Variants in PXDNL observed in about 807,000 individuals in gnomAD.
The protein encoded by PXDNL is probable oxidoreductase PXDNL.
A neutral mutation model predicts 150.8 loss-of-function variants in PXDNL; 145 were observed. The observed-to-expected ratio is 0.96, with a 90% CI of 0.84 to 1.10. PXDNL has a LOEUF of 1.10. Among genes scored for constraint, PXDNL ranks in the 50% least tolerant of loss-of-function variants. The pLI, the probability that PXDNL is intolerant of heterozygous loss-of-function variation, is 0.00. For synonymous variants in PXDNL, 757 were observed against 725.7 expected (o/e 1.04, Z -0.69); for missense variants, 2,087 against 1,873.9 (o/e 1.11, Z -2.10).
intron 4 of PXDNL, among the ~76,000 whole-genome samples, chr8:51,528,060 A>G (rs984329167): frequency 9.9e-5 from 15 of 152,180 alleles, no homozygotes; most frequent in African/African-American, 3.6e-4. Flanking sequence ...TATCAGAATT[A>G]ATCAGAGGGC....
intron 2 of PXDNL, among the ~76,000 whole-genome samples, chr8:51,639,034 A>C (rs1031476525): frequency 3.1e-4 from 47 of 152,332 alleles, no homozygotes; most frequent in African/African-American, 9.6e-4. Flanking sequence ...ACTAGAACTC[A>C]GGATTAAGAA....
At chr8:51,459,186 T>A (rs1051822796) in intron 8 of PXDNL, among the ~76,000 whole-genome samples, 1 of 152,218 alleles carries the variant, frequency 6.6e-6, no homozygotes, top group Non-Finnish European at 1.5e-5. Context: ...TCCCAGCACT[T>A]TGGGAGGCCA....
rs576019171 is a variant in PXDNL, at chr8:51,700,687, C to A, written c.165-45927G>T. 2.0e-5 allele frequency among the ~76,000 whole-genome samples: 3 copies of A among 151,790 alleles called. No individual in the cohort carries two copies. The South Asian group carries it at 6.3e-4, about 32-fold the overall frequency. On this transcript the variant is annotated intron_variant, in intron 1 of 22. Transcript: ENST00000356297. ...ATAAACATACATAAACACACACATG[C>A]ATACACATACACACAGACACACATA... is the stretch of plus-strand genomic sequence containing the variant.
intron 6 of PXDNL, among the ~76,000 whole-genome samples, chr8:51,480,835 C>T (rs138909323): frequency 6.6e-6 from 1 of 152,212 alleles, no homozygotes; most frequent in Non-Finnish European, 1.5e-5. Flanking sequence ...TCTTCATTTT[C>T]TGCCATGATT....
At chr8:51,687,831 C>T (rs1359835761) in intron 1 of PXDNL, among the ~76,000 whole-genome samples, 4 of 152,074 alleles carry the variant, frequency 2.6e-5, no homozygotes, top group Admixed American at 2.6e-4. Flanking sequence ...GCCTCAGTCA[C>T]CAAAGCTGTA....
chr8:51,494,364 T>G (rs1177669328), intron 5 of PXDNL, among the ~76,000 whole-genome samples: 2 of 148,070 alleles, frequency 1.4e-5, no homozygotes, highest in Admixed American at 1.3e-4. Flanking sequence ...AGGAAGAAAC[T>G]GCACCAACTA....
intron 2 of PXDNL, among the ~76,000 whole-genome samples, chr8:51,594,303 C>A (rs894683546): frequency 6.6e-6 from 1 of 151,644 alleles, no homozygotes; most frequent in African/African-American, 2.4e-5. Flanking sequence ...TCACAAAAAA[C>A]AATTTGAGTG....
chr8:51,761,899 T>A (rs1218482030), intron 1 of PXDNL, among the ~76,000 whole-genome samples: 1 of 152,214 alleles, frequency 6.6e-6, no homozygotes, highest in African/African-American at 2.4e-5. Flanking sequence ...TAAGTGTGCA[T>A]TTTTTGGAAG....
intron 1 of PXDNL, among the ~76,000 whole-genome samples, chr8:51,765,355 A>T (rs1044305790): frequency 2.6e-5 from 4 of 152,136 alleles, no homozygotes; most frequent in African/African-American, 9.7e-5. Flanking sequence ...CATGTAAGAC[A>T]TGCTTTTCAC....
chr8:51,668,176 C>CTTTTTTTTTTTTTTTTTTTTT lies in PXDNL; in HGVS notation c.165-13417_165-13416insAAAAAAAAAAAAAAAAAAAAA, dbSNP rs71550279. Among the ~76,000 whole-genome samples the CTTTTTTTTTTTTTTTTTTTTT allele has an allele frequency of 1.7e-4, 13 of 77,384 alleles. 2 individuals are homozygous for CTTTTTTTTTTTTTTTTTTTTT. The highest frequency in any genetic ancestry group is 4.0e-4 in the Admixed American group (2 of 4,972). 50.8% of individuals were successfully genotyped at this position (77,384 alleles called of 152,430 possible). A position where few individuals can be genotyped will look rare whatever the true frequency, so the allele number is the denominator to read the frequency against. On this transcript the variant is annotated intron_variant, in intron 1 of 22. Transcript: ENST00000356297. ...ATACAAGGCTTCCTTCTCGCTCTCT[C>CTTTTTTTTTTTTTTTTTTTTT]TTTTTTTTTTTTTTTTTGAGACAGA... is the stretch of plus-strand genomic sequence containing the variant.
rs2130172492 is a variant in PXDNL at position 51,483,662 on chromosome 8, G to T, written c.505C>A (p.Leu169Met). 4 of 1,522,324 alleles carry T rather than the reference G, an allele frequency of 2.6e-6. No homozygotes were observed. The highest frequency in any genetic ancestry group is 1.2e-5 in the South Asian group (1 of 81,614). The allele number at this position is 1,522,324 out of a possible 1,614,324, so 94.3% of individuals were successfully genotyped here. ...SKIPAGSFSNLDSLKRLRLDS... is the reference protein window; with the variant it reads ...SKIPAGSFSNMDSLKRLRLDS... ...ACTTACAATCTTTTTAATGAATCCA[G>T]ATTAGAAAAGCTCCCAGCTGGAATT... The change falls in exon 6 of 23, where the codon CTG becomes ATG. Residue 169 changes from leucine to methionine, a missense_variant. Transcript: ENST00000356297.
chr8:51,373,740 A>C (rs1424210936), intron 18 of PXDNL, among the ~76,000 whole-genome samples: 1 of 152,154 alleles, frequency 6.6e-6, no homozygotes, highest in Non-Finnish European at 1.5e-5. Flanking sequence ...TCATCTCTGA[A>C]ATAATACAAA....
intron 19 of PXDNL, among the ~76,000 whole-genome samples, chr8:51,353,191 A>G (rs1330803465): frequency 6.7e-6 from 1 of 149,938 alleles, no homozygotes; most frequent in Non-Finnish European, 1.5e-5. Context: ...TATAATACAT[A>G]CTAGATATTA....
intron 3 of PXDNL, among the ~76,000 whole-genome samples, chr8:51,569,487 A>G (rs1159969215): frequency 1.3e-5 from 2 of 151,968 alleles, no homozygotes; most frequent in African/African-American, 2.4e-5. Flanking sequence ...TGACAATTGT[A>G]TGTCGCTCTA....
chr8:51,530,574 G>A (rs1811877614), intron 4 of PXDNL, among the ~76,000 whole-genome samples: 1 of 152,158 alleles, frequency 6.6e-6, no homozygotes, highest in Non-Finnish European at 1.5e-5. Flanking sequence ...CTGCTGCTCA[G>A]GTGTCTCTGC....
intron 17 of PXDNL, among the ~76,000 whole-genome samples, chr8:51,380,911 C>T (rs929212683): frequency 2.0e-5 from 3 of 151,924 alleles, no homozygotes; most frequent in Admixed American, 6.5e-5. Flanking sequence ...TCTTTTTAAT[C>T]GGCTTATGTC....
At chr8:51,677,948 G>C (rs891491963) in intron 1 of PXDNL, among the ~76,000 whole-genome samples, 5 of 152,170 alleles carry the variant, frequency 3.3e-5, no homozygotes, top group African/African-American at 9.7e-5. Context: ...TAAAGGCTAT[G>C]ATGAGTTCCT....
At chr8:51,546,098 A>T (rs1287036097) in intron 4 of PXDNL, among the ~76,000 whole-genome samples, 2 of 152,192 alleles carry the variant, frequency 1.3e-5, no homozygotes, top group Admixed American at 1.3e-4. Flanking sequence ...GGAACATATG[A>T]GGAAAACCAA....
intron 17 of PXDNL, among the ~76,000 whole-genome samples, chr8:51,393,787 G>T (rs1012259060): frequency 3.3e-5 from 5 of 152,172 alleles, no homozygotes; most frequent in African/African-American, 1.2e-4. Context: ...GCGAAGGAGT[G>T]TGGGCAGCCT....
Sources: allele counts gnomAD v4.1 joint callset (sites outside exome capture counted in the v4.1 genomes callset), GRCh38; gene constraint gnomAD v4.1.1; transcripts MANE v1.5; gene names NCBI Gene and HGNC (gene_info 2026-07-23, HGNC 2026-07-21).